The following TP53BP2 variants were observed in gnomAD, a reference collection of about 807,000 sequenced individuals.
TP53BP2 encodes the protein apoptosis-stimulating of p53 protein 2.
Under a neutral mutation model 126.2 loss-of-function variants are expected in TP53BP2, and 62 were observed. That is an observed-to-expected ratio of 0.49 (90% CI 0.40 to 0.61). The LOEUF (loss-of-function observed/expected upper bound fraction) is 0.61. Ranked by LOEUF, TP53BP2 falls within the 20% of genes least tolerant of loss-of-function variation. TP53BP2 has a pLI of 0.00. For missense variants in TP53BP2, 1,215 were observed against 1,402.8 expected, an observed-to-expected ratio of 0.87 and a Z score of 2.14; for synonymous variants, 485 against 502.9, an observed-to-expected ratio of 0.96 and a Z score of 0.48.
At chr1:223,792,592 C>CT in intron 14 of TP53BP2, 70 bp from the exon 15 acceptor site, 1 of 1,548,274 alleles carries the variant, frequency 6.5e-7, no homozygotes, top group East Asian at 2.3e-5. Flanking sequence ...TAACTGGCTC[C>CT]TTTAGGGTCA....
At chr1:223,797,099 A>C (rs981932900) in intron 12 of TP53BP2, among the ~76,000 whole-genome samples, 3 of 150,876 alleles carry the variant, frequency 2.0e-5, no homozygotes, top group African/African-American at 7.4e-5. Flanking sequence ...TCTAATTCCC[A>C]AATTATTCCA....
intron 1 of TP53BP2, among the ~76,000 whole-genome samples, chr1:223,841,990 G>C (rs535502827): frequency 9.9e-5 from 15 of 150,816 alleles, no homozygotes; most frequent in African/African-American, 3.7e-4. Flanking sequence ...TCCGCCTCAA[G>C]GGTTCAAGAT....
At chr1:223,838,061 C>T (rs2102890377) in intron 1 of TP53BP2, among the ~76,000 whole-genome samples, 1 of 152,252 alleles carries the variant, frequency 6.6e-6, no homozygotes, top group East Asian at 1.9e-4. Context: ...TCATTCAGGT[C>T]TCAGCTGAAA....
intron 4 of TP53BP2, 35 bp downstream of exon 4, chr1:223,810,396 T>G (rs1257195251): frequency 7.0e-7 from 1 of 1,428,980 alleles, no homozygotes; most frequent in Non-Finnish European, 9.5e-7. Context: ...TGTATCACTG[T>G]GGTATATACA....
chr1:223,841,505 TATA>T (rs1349567111), intron 1 of TP53BP2, among the ~76,000 whole-genome samples: 1 of 152,178 alleles, frequency 6.6e-6, no homozygotes, highest in Non-Finnish European at 1.5e-5. Flanking sequence ...GTCATACAAA[TATA>T]ATGTTTCAAA....
intron 1 of TP53BP2, among the ~76,000 whole-genome samples, chr1:223,825,053 A>ACACC (rs896409691): frequency 1.3e-5 from 2 of 148,734 alleles, no homozygotes; most frequent in African/African-American, 5.0e-5. Context: ...ACACACACAC[A>ACACC]CCCTAGCCCA....
At chr1:223,817,106 G>T (rs987193390) in intron 2 of TP53BP2, among the ~76,000 whole-genome samples, 3 of 150,934 alleles carry the variant, frequency 2.0e-5, no homozygotes, top group African/African-American at 7.3e-5. Flanking sequence ...GCTGCAGCAA[G>T]CCAAGACTGA....
At chr1:223,789,895 G>T (rs1662091087) in intron 15 of TP53BP2, among the ~76,000 whole-genome samples, 1 of 152,118 alleles carries the variant, frequency 6.6e-6, no homozygotes, top group Non-Finnish European at 1.5e-5. Context: ...CTCAGAAGTT[G>T]AGTGTGAAAA....
In TP53BP2 at chr1:223,814,335, T is replaced by C; in HGVS notation, c.194A>G (p.Asn65Ser). The C allele has an allele frequency of 6.2e-7, 1 of 1,613,470 alleles. No homozygotes were observed. The highest frequency in any genetic ancestry group is 8.5e-7 in the Non-Finnish European group (1 of 1,179,422). ...TTGAAGAACATCAAACATTCGCTCA[T>C]TATCCGCAACTGGACGTTCTAAAGC... is the stretch of plus-strand genomic sequence containing the variant. Reference protein sequence around the residue: ...WCGSERPVADNERMFDVLQRF... With the variant: ...WCGSERPVADSERMFDVLQRF... The change falls in exon 3 of 18, where the codon AAT becomes AGT. Residue 65 changes from asparagine (N) to serine (S), a missense_variant. Physicochemically the swap from Asn to Ser is conservative, Grantham distance 46. Coordinates refer to ENST00000343537, the MANE Select transcript of TP53BP2 (RefSeq NM_001031685.3).
At chr1:223,834,851 T>C (rs562352123) in intron 1 of TP53BP2, 1 of 985,404 alleles carries the variant, frequency 1.0e-6, no homozygotes, top group Admixed American at 6.1e-5. Context: ...GAAGTAAATG[T>C]TCTCTTTGCT....
intron 9 of TP53BP2, 27 bp from the exon 10 acceptor site, chr1:223,800,837 T>G (rs759465067): frequency 8.0e-6 from 12 of 1,494,088 alleles, no homozygotes; most frequent in Non-Finnish European, 1.0e-5. Flanking sequence ...CAGCTACAAA[T>G]AACTCAGCAT....
intron 3 of TP53BP2, among the ~76,000 whole-genome samples, chr1:223,810,988 G>A (rs73127438): frequency 0.038 from 5,852 of 152,126 alleles, 366 homozygotes; most frequent in African/African-American, 0.13. Context: ...CTTAAAAAAA[G>A]GAACAAGTAG....
At chr1:223,823,542 G>A (rs547430508) in intron 1 of TP53BP2, among the ~76,000 whole-genome samples, 5 of 152,306 alleles carry the variant, frequency 3.3e-5, no homozygotes, top group African/African-American at 9.6e-5. Context: ...TTCCCAGTAT[G>A]AGCTCAAAAG....
chr1:223,837,386 T>C (rs907858297), intron 1 of TP53BP2, among the ~76,000 whole-genome samples: 3 of 152,158 alleles, frequency 2.0e-5, no homozygotes, highest in African/African-American at 4.8e-5. Flanking sequence ...TCTGTGGTGA[T>C]ATAAAAAGTA....
In TP53BP2 at chr1:223,795,991, G is replaced by C; in HGVS notation, c.2548C>G (p.Leu850Val). The change falls in exon 13 of 18, where the codon CTC (leucine) becomes GTC (valine). Residue 850 changes from leucine to valine, a missense_variant. This residue lies in a region of TP53BP2 where 204 missense variants were observed against 225.7 expected (regional missense o/e 0.90). Coordinates refer to ENST00000343537, the MANE Select transcript of TP53BP2 (RefSeq NM_001031685.3). The stretch of plus-strand genomic sequence containing the variant: ...TTTGGTTCTTCTGGGTTATTCTGGA[G>C]ATTTGGGCTGTTGTCTGGGACTCCC... ...PEGVPDNSPN[L>V]QNNPEEPNPE... 1 of 1,614,110 alleles carries C rather than the reference G, an allele frequency of 6.2e-7. No homozygotes were observed. The highest frequency in any genetic ancestry group is 8.5e-7 in the Non-Finnish European group (1 of 1,179,982).
rs758422337 is a variant in TP53BP2, at chr1:223,784,320, A to G, written c.3164-6T>C. ...GCCCATCTTCTCCTGAACTCCTAAA[A>G]TCATGACAGTAAGATAAAGCACAGA... On this transcript the variant is annotated splice_region_variant and splice_polypyrimidine_tract_variant and intron_variant, in intron 16 of 17. Transcript: ENST00000343537. 33 of 1,613,770 alleles carry G rather than the reference A, an allele frequency of 2.0e-5. No individual in the cohort carries two copies. The highest frequency in any genetic ancestry group is 2.7e-5 in the African/African-American group (2 of 74,900).
Position 223,798,690 on chromosome 1 carries a change from C to A in TP53BP2, c.1486-13G>T. The A allele has an allele frequency of 6.4e-7, 1 of 1,566,742 alleles. No individual in the cohort carries two copies. The stretch of plus-strand genomic sequence containing the variant: ...TTTTATTTGCAACCTATAACACACA[C>A]ATAAAAAGCCAGTTAAAATACTATA... On this transcript the variant is annotated splice_polypyrimidine_tract_variant and intron_variant, in intron 11 of 17. Coordinates refer to ENST00000343537, the MANE Select transcript of TP53BP2 (RefSeq NM_001031685.3).
rs943183565 is a variant in TP53BP2 at position 223,817,118 on chromosome 1, T to G, written c.176-2765A>C. 1.5e-4 allele frequency among the ~76,000 whole-genome samples: 22 copies of G among 150,030 alleles called. No individual in the cohort carries two copies. In the Admixed American group the frequency reaches 1.5e-3, roughly 10 times the overall value. ...AAGGCTGCAGCAAGCCAAGACTGAA[T>G]CACACTGCACTCCAGCCTGGGCGAC... is the stretch of plus-strand genomic sequence containing the variant. On this transcript the variant is annotated intron_variant, in intron 2 of 17. Transcript: ENST00000343537.
chr1:223,814,143 C>T, intron 3 of TP53BP2, 97 bp downstream of exon 3: 2 of 854,630 alleles, frequency 2.3e-6, no homozygotes, highest in East Asian at 2.5e-5. Context: ...TCTCCTTCAC[C>T]TCTCAAATTA....
Sources: gnomAD v4.1 joint callset for allele counts (sites outside exome capture counted in the v4.1 genomes callset) on GRCh38, gnomAD v4.1.1 for gene constraint, gnomAD v4.1.1 regional missense constraint, MANE v1.5 for transcripts, NCBI Gene and HGNC (gene_info 2026-07-23, HGNC 2026-07-21) for gene names.